Variants in LY86 observed in about 807,000 individuals in gnomAD.
The protein encoded by LY86 is lymphocyte antigen 86.
Under a neutral mutation model 17.3 loss-of-function variants are expected in LY86, and 20 were observed. The ratio of observed to expected loss-of-function variants is 1.15; its 90% CI spans 0.81 to 1.68. The LOEUF (loss-of-function observed/expected upper bound fraction) is 1.68, where lower values mean the gene tolerates loss of function less well. Ranked by LOEUF, LY86 falls within the 40% of genes most tolerant of loss-of-function variation. LY86 has a pLI of 0.00. For synonymous variants in LY86, 74 were observed against 70.6 expected, an observed-to-expected ratio of 1.05 and a Z score of -0.24; for missense variants, 200 against 191.9, an observed-to-expected ratio of 1.04 and a Z score of -0.25.
chr6:6,654,083 A>AC (rs3835210), intron 4 of LY86, among the ~76,000 whole-genome samples: 107 of 143,596 alleles, frequency 7.5e-4, no homozygotes, highest in African/African-American at 1.5e-3. Flanking sequence ...CCCTTACCTC[A>AC]CCCCCCCCAT....
chr6:6,644,252 A>C (rs1762079437), intron 3 of LY86, among the ~76,000 whole-genome samples: 1 of 152,188 alleles, frequency 6.6e-6, no homozygotes, highest in Admixed American at 6.5e-5. Flanking sequence ...AGCCGGGTGC[A>C]GTGGTTCAGG....
chr6:6,592,707 TTCA>T (rs375021154), intron 1 of LY86, among the ~76,000 whole-genome samples: 2,707 of 152,268 alleles, frequency 0.018, 82 homozygotes, highest in African/African-American at 0.062. Context: ...GAGATCTCTT[TTCA>T]CCACATGAGG....
intron 1 of LY86, among the ~76,000 whole-genome samples, chr6:6,619,285 G>T: frequency 6.6e-6 from 1 of 152,220 alleles, no homozygotes; most frequent in East Asian, 1.9e-4. Flanking sequence ...TTACATTTGG[G>T]AAAGAATTCT....
chr6:6,625,176 G>C (rs1761764168), intron 2 of LY86, among the ~76,000 whole-genome samples, 164 bp downstream of exon 2: 1 of 152,016 alleles, frequency 6.6e-6, no homozygotes, highest in Non-Finnish European at 1.5e-5. Flanking sequence ...ATCTTTCTCT[G>C]GGTTATATTC....
chr6:6,623,193 A>G (rs1269035259), intron 1 of LY86, among the ~76,000 whole-genome samples: 2 of 152,216 alleles, frequency 1.3e-5, no homozygotes, highest in Non-Finnish European at 2.9e-5. Context: ...AGAGCAAAGA[A>G]AGGACCCCTG....
chr6:6,597,395 G>A (rs1760748075), intron 1 of LY86, among the ~76,000 whole-genome samples: 1 of 152,200 alleles, frequency 6.6e-6, no homozygotes, highest in African/African-American at 2.4e-5. Context: ...TGAGGATGGA[G>A]TATAGAGAGG....
intron 1 of LY86, among the ~76,000 whole-genome samples, chr6:6,603,600 A>AC (rs1319158829): frequency 7.0e-5 from 6 of 86,236 alleles, no homozygotes; most frequent in East Asian, 4.0e-4. Flanking sequence ...ACAAAAACAG[A>AC]AACAGAAAAA....
At chr6:6,640,091 C>T (rs75316929) in intron 3 of LY86, among the ~76,000 whole-genome samples, 7,995 of 152,164 alleles carry the variant, frequency 0.053, 288 homozygotes, top group African/African-American at 0.094. Flanking sequence ...GTCACTCTTC[C>T]CCCATAAAAC....
chr6:6,630,563 T>C (rs570149940), intron 3 of LY86, among the ~76,000 whole-genome samples: 25 of 152,370 alleles, frequency 1.6e-4, no homozygotes, highest in African/African-American at 3.8e-4. Context: ...TTGAGCTTCA[T>C]TGAATGTCCT....
intron 1 of LY86, among the ~76,000 whole-genome samples, chr6:6,613,146 T>C (rs1241323015): frequency 6.6e-6 from 1 of 152,250 alleles, no homozygotes; most frequent in African/African-American, 2.4e-5. Flanking sequence ...TTGGTGTGTT[T>C]ACAATCCCTT....
Position 6,625,001 on chromosome 6 carries a change from G to A in LY86, c.212G>A (p.Gly71Glu). Residue 71 changes from glycine to glutamate, a missense_variant, in exon 2 of 5, where the codon GGA (glycine) becomes GAA (glutamate). Coordinates refer to ENST00000230568, the MANE Select transcript of LY86 (RefSeq NM_004271.4). ...QLKSNINIRF[G>E]IILREDIKEL... The stretch of plus-strand genomic sequence containing the variant: ...AAATCAAATATCAACATTAGATTTG[G>A]AATTATTCTGAGTAAGTAAAAAAAA... The A allele has an allele frequency of 1.4e-6, 2 of 1,473,554 alleles. No individual in the cohort carries two copies. Among genetic ancestry groups the A allele is most frequent in the Non-Finnish European group, 1.9e-6 (2 of 1,064,132 alleles). 91.3% of individuals were successfully genotyped at this position (1,473,554 alleles called of 1,614,324 possible).
chr6:6,592,702 CTCT>C (rs1428315540), intron 1 of LY86, among the ~76,000 whole-genome samples: 1 of 151,786 alleles, frequency 6.6e-6, no homozygotes, highest in African/African-American at 2.4e-5. Flanking sequence ...GGCCAGAGAT[CTCT>C]TTTCACCACA....
chr6:6,613,785 G>C (rs9405953), intron 1 of LY86, among the ~76,000 whole-genome samples: 12,129 of 152,280 alleles, frequency 0.08, 583 homozygotes, highest in East Asian at 0.17. Context: ...AGGGCTGCCA[G>C]CATGCTGTCA....
chr6:6,590,392 C>G (rs753340844), intron 1 of LY86, among the ~76,000 whole-genome samples: 1 of 152,160 alleles, frequency 6.6e-6, no homozygotes, highest in Non-Finnish European at 1.5e-5. Flanking sequence ...TTTCATCATG[C>G]TACTCAGGAG....
chr6:6,653,470 C>T lies in LY86; in HGVS notation c.406-1074C>T, dbSNP rs80097931. On this transcript the variant is annotated intron_variant, in intron 4 of 4. Transcript: ENST00000230568. ...AGATTCGTGTCTACAAACACATCACCGCTCCGTGGCTGCTGGGGTGCAGGA... is the reference window on the plus strand; with the variant it reads ...AGATTCGTGTCTACAAACACATCACTGCTCCGTGGCTGCTGGGGTGCAGGA... Among the ~76,000 whole-genome samples the T allele has an allele frequency of 4.6e-5, 7 of 152,294 alleles. No homozygotes were observed. The South Asian group carries it at 8.3e-4, about 18-fold the overall frequency.
intron 3 of LY86, among the ~76,000 whole-genome samples, chr6:6,637,329 A>G (rs912813493): frequency 2.0e-5 from 3 of 151,994 alleles, no homozygotes; most frequent in Non-Finnish European, 2.9e-5. Flanking sequence ...TTTTTTAAGG[A>G]ATTCTAGAGC....
chr6:6,601,374 G>A (rs1413768052), intron 1 of LY86, among the ~76,000 whole-genome samples: 1 of 85,126 alleles, frequency 1.2e-5, no homozygotes, highest in Non-Finnish European at 3.1e-5. Flanking sequence ...TATCTTCATG[G>A]AAAGGGCAGA....
At chr6:6,643,697 C>CAA (rs1049524601) in intron 3 of LY86, among the ~76,000 whole-genome samples, 1 of 151,666 alleles carries the variant, frequency 6.6e-6, no homozygotes, top group African/African-American at 2.4e-5. Context: ...TGCATACACA[C>CAA]AAAAACGCAC....
At chr6:6,654,461 T>A (rs1030509966) in intron 4 of LY86, 83 bp from the exon 5 acceptor site, 1 of 1,065,218 alleles carries the variant, frequency 9.4e-7, no homozygotes, top group Non-Finnish European at 1.4e-6. Flanking sequence ...ACCCAGCACA[T>A]AAAAGTTTCT....
Sources: allele counts gnomAD v4.1 joint callset (sites outside exome capture counted in the v4.1 genomes callset), GRCh38; gene constraint gnomAD v4.1.1; transcripts MANE v1.5; gene names NCBI Gene and HGNC (gene_info 2026-07-23, HGNC 2026-07-21).